Variants in CNTNAP2 observed in about 807,000 individuals in gnomAD.
The protein encoded by CNTNAP2 is contactin-associated protein-like 2.
In CNTNAP2, 98 loss-of-function variants were observed where a neutral mutation model predicts 155.2. That is an observed-to-expected ratio of 0.63 (90% CI 0.54 to 0.75). The LOEUF (loss-of-function observed/expected upper bound fraction) is 0.75. Ranked by LOEUF, CNTNAP2 falls within the 30% of genes least tolerant of loss-of-function variation. The pLI, the probability that CNTNAP2 is intolerant of heterozygous loss-of-function variation, is 0.00. For synonymous variants in CNTNAP2, 651 were observed against 631.2 expected (o/e 1.03, Z -0.47); for missense variants, 1,727 against 1,688.1 (o/e 1.02, Z -0.40).
chr7:148,156,497 T>C (rs1220701230), intron 17 of CNTNAP2, among the ~76,000 whole-genome samples: 8 of 152,050 alleles, frequency 5.3e-5, no homozygotes. Context: ...CCACTAAGCA[T>C]TGCAGTGTCA....
At chr7:148,016,805 T>C (rs753172689) in intron 15 of CNTNAP2, among the ~76,000 whole-genome samples, 1 of 152,182 alleles carries the variant, frequency 6.6e-6, no homozygotes, top group Non-Finnish European at 1.5e-5. Context: ...TCCTAAGTTA[T>C]AGCATTTTAA....
At chr7:146,918,398 ATTTG>A (rs1233691075) in intron 3 of CNTNAP2, among the ~76,000 whole-genome samples, 3 of 151,988 alleles carry the variant, frequency 2.0e-5, no homozygotes, top group Non-Finnish European at 4.4e-5. Flanking sequence ...TTCTTTCAAA[ATTTG>A]TTTGTCTGAA....
intron 18 of CNTNAP2, among the ~76,000 whole-genome samples, chr7:148,197,331 G>A (rs1027700889): frequency 4.6e-5 from 7 of 152,124 alleles, no homozygotes; most frequent in African/African-American, 7.2e-5. Flanking sequence ...AGATGATTCC[G>A]TGAAAAAATG....
At chr7:148,121,766 C>T (rs1007150645) in intron 16 of CNTNAP2, among the ~76,000 whole-genome samples, 1 of 152,140 alleles carries the variant, frequency 6.6e-6, no homozygotes, top group Non-Finnish European at 1.5e-5. Context: ...GCATCTTATG[C>T]ACAAGTAGAA....
rs184809949 is a variant in CNTNAP2 at position 147,385,824 on chromosome 7, A to C, written c.1499-9785A>C. ...TCACAGCTCCACTAGGCAGTGCCCC[A>C]GTAGAGACTCTGTGTGGGGCCTCTG... On this transcript the variant is annotated intron_variant, in intron 9 of 23. Transcript: ENST00000361727. Among the ~76,000 whole-genome samples the C allele has an allele frequency of 8.9e-3, 1,356 of 152,330 alleles. 23 individuals carry two copies. The highest frequency in any genetic ancestry group is 0.031 in the African/African-American group (1,300 of 41,586).
At chr7:147,836,106 A>G (rs1468910668) in intron 13 of CNTNAP2, among the ~76,000 whole-genome samples, 1 of 152,180 alleles carries the variant, frequency 6.6e-6, no homozygotes, top group Non-Finnish European at 1.5e-5. Flanking sequence ...CAACTATGAA[A>G]ATACCCAATC....
intron 13 of CNTNAP2, among the ~76,000 whole-genome samples, chr7:147,794,825 G>A (rs996373455): frequency 6.6e-6 from 1 of 151,436 alleles, no homozygotes; most frequent in African/African-American, 2.4e-5. Context: ...TTGGTAGTTT[G>A]TATTTTTTTA....
intron 2 of CNTNAP2, among the ~76,000 whole-genome samples, chr7:146,811,181 TG>T (rs529938748): frequency 1.6e-4 from 24 of 152,214 alleles, no homozygotes; most frequent in Non-Finnish European, 3.4e-4. Context: ...TCTCAATTTT[TG>T]GGGGGGAGAT....
At chr7:148,062,642 C>G (rs562230335) in intron 15 of CNTNAP2, among the ~76,000 whole-genome samples, 103 of 152,114 alleles carry the variant, frequency 6.8e-4, no homozygotes, top group Non-Finnish European at 1.2e-3. Flanking sequence ...CTTAAAAATA[C>G]TTAGAACTGA....
At position 147,613,603 on chromosome 7, in the gene CNTNAP2, C is replaced by T. The variant is rs528202192; in HGVS notation, c.1898-25503C>T. ...CTATAATCCCAGCACTTTGGGAGGCCGAGGTGGGCACTTTGGGAATCTGAG... is the reference window on the plus strand; with the variant it reads ...CTATAATCCCAGCACTTTGGGAGGCTGAGGTGGGCACTTTGGGAATCTGAG... On this transcript the variant is annotated intron_variant, in intron 12 of 23. Coordinates refer to ENST00000361727, the MANE Select transcript of CNTNAP2 (RefSeq NM_014141.6). Among the ~76,000 whole-genome samples, 8 of 152,072 alleles carry T rather than the reference C, an allele frequency of 5.3e-5. 1 individual carries two copies. The highest frequency in any genetic ancestry group is 9.6e-5 in the African/African-American group (4 of 41,478).
intron 14 of CNTNAP2, among the ~76,000 whole-genome samples, chr7:147,941,625 C>T (rs1421928818): frequency 6.6e-6 from 1 of 152,168 alleles, no homozygotes; most frequent in Non-Finnish European, 1.5e-5. Context: ...AGTTCTTACT[C>T]GCTCAATTGC....
chr7:148,370,422 A>AGT (rs1006050709), intron 21 of CNTNAP2, among the ~76,000 whole-genome samples: 3 of 152,208 alleles, frequency 2.0e-5, no homozygotes. Flanking sequence ...ACCTTCTAGC[A>AGT]GAGTGACCTC....
intron 13 of CNTNAP2, among the ~76,000 whole-genome samples, chr7:147,808,121 A>G (rs949311504): frequency 2.0e-5 from 3 of 151,884 alleles, no homozygotes; most frequent in Non-Finnish European, 2.9e-5. Context: ...TCCTCTCTCT[A>G]TATATACTAT....
At chr7:147,811,674 A>G (rs769564552) in intron 13 of CNTNAP2, among the ~76,000 whole-genome samples, 1 of 152,180 alleles carries the variant, frequency 6.6e-6, no homozygotes, top group Non-Finnish European at 1.5e-5. Context: ...AAAACACTGT[A>G]TCCATCCTTT....
chr7:147,537,647 C>T (rs999598253), intron 11 of CNTNAP2, among the ~76,000 whole-genome samples: 1 of 151,952 alleles, frequency 6.6e-6, no homozygotes, highest in Non-Finnish European at 1.5e-5. Context: ...GACTTAATTA[C>T]AGGGTGATAA....
chr7:147,104,894 A>G (rs578058544), intron 4 of CNTNAP2, among the ~76,000 whole-genome samples: 3 of 58,684 alleles, frequency 5.1e-5, no homozygotes, highest in Non-Finnish European at 7.3e-5. Context: ...ATATATATAT[A>G]TATATATATA....
In CNTNAP2 at chr7:147,401,699, G is replaced by A. The variant is rs115224683; in HGVS notation, c.1670+5919G>A. On this transcript the variant is annotated intron_variant, in intron 10 of 23. Transcript: ENST00000361727. ...CATGGGGGTGGATTTCCCCCTTACCGTTCTCATGATAGTGAGTGAGTTCTC... is the reference window on the plus strand; with the variant it reads ...CATGGGGGTGGATTTCCCCCTTACCATTCTCATGATAGTGAGTGAGTTCTC... Among the ~76,000 whole-genome samples the A allele has an allele frequency of 8.7e-3, 1,324 of 152,230 alleles. 16 individuals are homozygous for A. The highest frequency in any genetic ancestry group is 0.03 in the African/African-American group (1,251 of 41,546).
At chr7:148,173,525 C>T (rs560218831) in intron 18 of CNTNAP2, among the ~76,000 whole-genome samples, 1 of 152,332 alleles carries the variant, frequency 6.6e-6, no homozygotes, top group African/African-American at 2.4e-5. Context: ...TCTGTACCTC[C>T]AGGCTACTGT....
chr7:148,400,588 T>C (rs1479357700), intron 22 of CNTNAP2, among the ~76,000 whole-genome samples: 7 of 152,176 alleles, frequency 4.6e-5, no homozygotes, highest in African/African-American at 1.7e-4. Flanking sequence ...TAGCAAATAG[T>C]GTGGTAAATA....
Sources: allele counts gnomAD v4.1 joint callset (sites outside exome capture counted in the v4.1 genomes callset), GRCh38; gene constraint gnomAD v4.1.1; transcripts MANE v1.5; gene names NCBI Gene and HGNC (gene_info 2026-07-23, HGNC 2026-07-21).